The following KLHL28 variants were observed in gnomAD, a reference collection of about 807,000 sequenced individuals.
The protein encoded by KLHL28 is kelch like family member 28.
A neutral mutation model predicts 48.3 loss-of-function variants in KLHL28; 22 were observed. The ratio of observed to expected loss-of-function variants is 0.46; its 90% confidence interval spans 0.33 to 0.65. The LOEUF is 0.65. Ranked by LOEUF, KLHL28 falls within the 30% of genes least tolerant of loss-of-function variation. The pLI is 0.03. For synonymous variants in KLHL28, 243 were observed against 242.4 expected, an observed-to-expected ratio of 1.00 and a Z score of -0.02; for missense variants, 527 against 704.3, an observed-to-expected ratio of 0.75 and a Z score of 2.85.
At position 44,960,246 on chromosome 14, in the gene KLHL28, C is replaced by G. The variant is rs73346337; in HGVS notation, c.-1+1600G>C. Among the ~76,000 whole-genome samples, 504 of 152,296 alleles carry G rather than the reference C, an allele frequency of 3.3e-3. 6 individuals are homozygous for G. The highest frequency in any genetic ancestry group is 0.01 in the African/African-American group (419 of 41,572). Reference sequence around the variant, plus strand: ...ATCCACGTCTCTCATTTAAGACTTTCGAAGTTCCTTTTCTGTGATTCCATG... The same window carrying G: ...ATCCACGTCTCTCATTTAAGACTTTGGAAGTTCCTTTTCTGTGATTCCATG... On this transcript the variant is annotated intron_variant, in intron 1 of 4. Coordinates refer to ENST00000396128, the MANE Select transcript of KLHL28 (RefSeq NM_017658.5).
chr14:44,925,956 C>T lies in KLHL28; in HGVS notation c.*3072G>A, dbSNP rs1883359588. 1 of 152,142 alleles carries T rather than the reference C, an allele frequency of 6.6e-6. No individual in the cohort carries two copies. The highest frequency in any genetic ancestry group is 6.5e-5 in the Admixed American group (1 of 15,268). The allele number at this position is 152,142 out of a possible 1,614,324, so 9.4% of individuals were successfully genotyped here. ...TTCTATTTCCCAGTGCTGCTCTTTT[C>T]CAAAATATTTCTGGGAAATCTTAAA... On this transcript the variant is annotated 3_prime_UTR_variant, in exon 5 of 5. Transcript: ENST00000396128.
At position 44,950,661 on chromosome 14, in the gene KLHL28, G is replaced by C. The variant is rs531340362; in HGVS notation, c.1-4733C>G. On this transcript the variant is annotated intron_variant, in intron 1 of 4. Coordinates refer to ENST00000396128, the MANE Select transcript of KLHL28 (RefSeq NM_017658.5). ...GTTACAATACAATGGTCTGTATTAT[G>C]TGACCTTGGGAAATTCAGTCAAAAG... Among the ~76,000 whole-genome samples the C allele has an allele frequency of 3.3e-5, 5 of 152,286 alleles. No homozygotes were observed. In the East Asian group the frequency reaches 9.6e-4, roughly 29 times the overall value.
intron 1 of KLHL28, among the ~76,000 whole-genome samples, chr14:44,958,157 A>G (rs1204019796): frequency 6.6e-6 from 1 of 151,562 alleles, no homozygotes; most frequent in African/African-American, 2.4e-5. Context: ...AATAAAAAGT[A>G]TCCATTTGAA....
At chr14:44,933,664 G>A (rs896917717) in intron 3 of KLHL28, among the ~76,000 whole-genome samples, 2 of 152,050 alleles carry the variant, frequency 1.3e-5, no homozygotes, top group African/African-American at 4.8e-5. Context: ...ATACATGTAT[G>A]ATTACAGGAA....
At chr14:44,937,754 G>A (rs945748289) in intron 2 of KLHL28, among the ~76,000 whole-genome samples, 1 of 152,154 alleles carries the variant, frequency 6.6e-6, no homozygotes, top group African/African-American at 2.4e-5. Context: ...AGAACATGGT[G>A]CTAGCATCTG....
At chr14:44,961,092 TGAG>T in intron 1 of KLHL28, 1 of 427,462 alleles carries the variant, frequency 2.3e-6, no homozygotes, top group Non-Finnish European at 4.2e-6. Flanking sequence ...GTATCACTTA[TGAG>T]GAGAAAATGC....
intron 1 of KLHL28, among the ~76,000 whole-genome samples, chr14:44,960,062 C>T (rs1045480405): frequency 1.1e-4 from 16 of 152,122 alleles, no homozygotes; most frequent in Non-Finnish European, 2.2e-4. Context: ...AGACTAATGC[C>T]TCTTCTAAGT....
chr14:44,932,335 T>C (rs1440319756), intron 3 of KLHL28, among the ~76,000 whole-genome samples: 1 of 152,058 alleles, frequency 6.6e-6, no homozygotes, highest in Admixed American at 6.6e-5. Flanking sequence ...GTAGATTGCA[T>C]AGTACAAACT....
At chr14:44,941,913 A>AT (rs1390526935) in intron 2 of KLHL28, among the ~76,000 whole-genome samples, 1 of 152,106 alleles carries the variant, frequency 6.6e-6, no homozygotes, top group African/African-American at 2.4e-5. Context: ...TTTCCTCTCT[A>AT]TATTTTCTCA....
Position 44,931,420 on chromosome 14 carries a change from C to T in KLHL28, c.1465G>A (p.Gly489Arg), listed in dbSNP as rs1883583382. The T allele has an allele frequency of 1.2e-6, 2 of 1,613,690 alleles. No individual in the cohort carries two copies. The highest frequency in any genetic ancestry group is 1.1e-5 in the South Asian group (1 of 91,078). The stretch of plus-strand genomic sequence containing the variant: ...TCAATGCTGGACAAATGTGAGACTC[C>T]ATTATGTCCACCCACCACAAAAATA... The part of the protein sequence containing the change: ...GFIFVVGGHN[G>R]VSHLSSIERY... The change falls in exon 4 of 5, where the codon GGA (glycine) becomes AGA (arginine). Residue 489 changes from glycine (G) to arginine (R), a missense_variant. By Grantham distance (125) the Gly-to-Arg change is moderately radical. Transcript: ENST00000396128.
At chr14:44,959,894 G>A (rs1884957473) in intron 1 of KLHL28, among the ~76,000 whole-genome samples, 1 of 151,718 alleles carries the variant, frequency 6.6e-6, no homozygotes, top group Admixed American at 6.6e-5. Flanking sequence ...GTCAATATAC[G>A]AGAAATTCCT....
At chr14:44,952,343 G>C (rs1016777710) in intron 1 of KLHL28, among the ~76,000 whole-genome samples, 1 of 152,066 alleles carries the variant, frequency 6.6e-6, no homozygotes, top group Admixed American at 6.5e-5. Flanking sequence ...AAATTCTTGA[G>C]CCCCATCACA....
At position 44,926,616 on chromosome 14, in the gene KLHL28, C is replaced by T. The variant is rs1318484758; in HGVS notation, c.*2412G>A. The T allele has an allele frequency of 1.3e-5, 2 of 151,976 alleles. No individual in the cohort carries two copies. Among genetic ancestry groups the T allele is most frequent in the African/African-American group, 4.8e-5 (2 of 41,332 alleles). 9.4% of individuals were successfully genotyped at this position (151,976 alleles called of 1,614,324 possible). A position where few individuals can be genotyped will look rare whatever the true frequency, so the allele number is the denominator to read the frequency against. On this transcript the variant is annotated 3_prime_UTR_variant, in exon 5 of 5. Transcript: ENST00000396128. ...CTGCCTCCTGGGTTCAAGTGATTCTCCTGCCTCAGCCTCCCAAGTAGCTGG... is the reference window on the plus strand; with the variant it reads ...CTGCCTCCTGGGTTCAAGTGATTCTTCTGCCTCAGCCTCCCAAGTAGCTGG...
intron 1 of KLHL28, among the ~76,000 whole-genome samples, chr14:44,947,715 A>C (rs17115703): frequency 0.1 from 15,189 of 152,194 alleles, 1,039 homozygotes; most frequent in African/African-American, 0.19. Context: ...CAACTCTTGA[A>C]ATTTTTATCT....
intron 2 of KLHL28, among the ~76,000 whole-genome samples, chr14:44,939,752 GA>G (rs1883990090): frequency 6.9e-6 from 1 of 145,658 alleles, no homozygotes; most frequent in Admixed American, 6.6e-5. Context: ...AAAAGTTCCA[GA>G]ATTTCCCTAT....
intron 2 of KLHL28, among the ~76,000 whole-genome samples, chr14:44,940,774 C>T (rs528555035): frequency 4.6e-5 from 7 of 152,268 alleles, no homozygotes; most frequent in African/African-American, 1.4e-4. Flanking sequence ...TAAGATCTTG[C>T]TTCATCAATA....
At chr14:44,953,784 C>T (rs1884683412) in intron 1 of KLHL28, 1 of 152,122 alleles carries the variant, frequency 6.6e-6, no homozygotes, top group Non-Finnish European at 1.5e-5. Context: ...GGAAAACAAA[C>T]TAAGACAACC....
Position 44,934,153 on chromosome 14 carries a change from T to C in KLHL28, c.1305A>G (p.Ile435Met). 6.2e-7 allele frequency: 1 copy of C among 1,614,112 alleles called. No individual in the cohort carries two copies. Among genetic ancestry groups the C allele is most frequent in the Non-Finnish European group, 8.5e-7 (1 of 1,179,974 alleles). Reference sequence around the variant, plus strand: ...CAGGACCATACCCACCAATGGCATATATCATTCCATCCAATACCGCTGCAG... The same window carrying C: ...CAGGACCATACCCACCAATGGCATACATCATTCCATCCAATACCGCTGCAG... ...CFAAAVLDGMIYAIGGYGPAH... is the reference protein window; with the variant it reads ...CFAAAVLDGMMYAIGGYGPAH... Residue 435 changes from isoleucine to methionine, a missense_variant, in exon 3 of 5, where the codon ATA becomes ATG. Ile to Met is a conservative substitution (Grantham distance 10, BLOSUM62 1). Coordinates refer to ENST00000396128, the MANE Select transcript of KLHL28 (RefSeq NM_017658.5).
rs189102322 is a variant in KLHL28, at chr14:44,956,690, A to G, written c.-1+5156T>C. ...TTTAAAAGACGTATCAATCAAATAC[A>G]ACCTGTGAACCATAGACTTGTGTGT... On this transcript the variant is annotated intron_variant, in intron 1 of 4. Coordinates refer to ENST00000396128, the MANE Select transcript of KLHL28 (RefSeq NM_017658.5). Among the ~76,000 whole-genome samples the G allele has an allele frequency of 1.1e-4, 17 of 152,378 alleles. No individual in the cohort carries two copies. The East Asian group carries it at 3.1e-3, about 28-fold the overall frequency.
Sources: allele counts gnomAD v4.1 joint callset (sites outside exome capture counted in the v4.1 genomes callset), GRCh38; gene constraint gnomAD v4.1.1; transcripts MANE v1.5; gene names NCBI Gene and HGNC (gene_info 2026-07-23, HGNC 2026-07-21).